Variants in SACS observed in about 807,000 individuals in gnomAD.
The protein encoded by SACS is sacsin molecular chaperone, also known as sacsin.
Under a neutral mutation model 348.0 loss-of-function variants are expected in SACS, and 197 were observed. The observed-to-expected ratio is 0.57, with a 90% CI of 0.50 to 0.64. The LOEUF (loss-of-function observed/expected upper bound fraction) is 0.64, where lower values mean the gene tolerates loss of function less well. Ranked by LOEUF, SACS falls within the 30% of genes least tolerant of loss-of-function variation. SACS has a pLI of 0.00. For synonymous variants in SACS, 1,985 were observed against 1,910.6 expected (o/e 1.04, Z -1.02); for missense variants, 4,999 against 5,360.8 (o/e 0.93, Z 2.11).
In SACS at chr13:23,333,175, T is replaced by C; in HGVS notation, c.10701A>G (p.Glu3567=). The change falls in exon 10 of 10, where the codon GAA becomes GAG. Residue 3567 remains glutamate (E), a synonymous_variant. Transcript: ENST00000382292. ...CATGATTTTTGGGTTTTATAAGTTG[T>C]TCCAATTTCTTAAAGAAATCATTAG... ...FIPNDFFKKL[E]QLIKPKNHVT... is the part of the protein sequence containing the mutation. 2 of 1,605,450 alleles carry C rather than the reference T, an allele frequency of 1.2e-6. No homozygotes were observed. The highest frequency in any genetic ancestry group is 1.1e-5 in the South Asian group (1 of 88,948).
Position 23,332,311 on chromosome 13 carries a change from T to C in SACS, c.11565A>G (p.Glu3855=), listed in dbSNP as rs1422761558. The C allele has an allele frequency of 4.3e-6, 7 of 1,613,940 alleles. No individual in the cohort carries two copies. The East Asian group carries it at 1.3e-4, about 31-fold the overall frequency. ...AATTTTTAAATATGCGGCTCAACAC[T>C]TCAACATATTGCTTAGTTGAAATAA... ...EDIISTKQYV[E]VLSRIFKNSE... Residue 3855 remains glutamate (E), a synonymous_variant, in exon 10 of 10, where the codon GAA becomes GAG. Coordinates refer to ENST00000382292, the MANE Select transcript of SACS (RefSeq NM_014363.6).
intron 2 of SACS, among the ~76,000 whole-genome samples, chr13:23,375,859 T>A (rs1430905399): frequency 6.6e-6 from 1 of 151,396 alleles, no homozygotes; most frequent in Non-Finnish European, 1.5e-5. Flanking sequence ...AGAGGACAGG[T>A]GCGTTGTCCC....
chr13:23,346,574 G>A (rs1035107181), intron 9 of SACS, among the ~76,000 whole-genome samples: 1 of 152,158 alleles, frequency 6.6e-6, no homozygotes, highest in Non-Finnish European at 1.5e-5. Context: ...GAGACTAAAT[G>A]TTCTATGAAG....
intron 2 of SACS, among the ~76,000 whole-genome samples, chr13:23,405,028 T>C (rs766738359): frequency 4.6e-5 from 7 of 152,166 alleles, no homozygotes; most frequent in East Asian, 1.9e-4. Context: ...CAAGCTACCA[T>C]TGATTTTCTT....
At chr13:23,375,078 G>A (rs1435275440) in intron 3 of SACS, 41 bp downstream of exon 3, 3 of 1,435,018 alleles carry the variant, frequency 2.1e-6, no homozygotes, top group Non-Finnish European at 9.1e-7. Flanking sequence ...CCGTTCCTCC[G>A]CGTGGCGGAG....
In SACS at chr13:23,333,876, A is replaced by G. The variant is rs2137578816; in HGVS notation, c.10000T>C (p.Leu3334=). 6.2e-7 allele frequency: 1 copy of G among 1,613,876 alleles called. No individual in the cohort carries two copies. Among genetic ancestry groups the G allele is most frequent in the South Asian group, 1.1e-5 (1 of 91,076 alleles). ...CTGTCTTTGGAACAGATTTTGTTCA[A>G]AGCAAGCTGAATACAGCCAGCTTTC... is the stretch of plus-strand genomic sequence containing the variant. ...LMKAGCIQLA[L]NKICSKDSAF... is the part of the protein sequence containing the mutation. The change falls in exon 10 of 10, where the codon TTG becomes CTG. Residue 3334 remains leucine, a synonymous_variant. Transcript: ENST00000382292.
At position 23,340,860 on chromosome 13, in the gene SACS, G is replaced by A; in HGVS notation, c.3016C>T (p.His1006Tyr). The A allele has an allele frequency of 6.2e-7, 1 of 1,608,136 alleles. No individual in the cohort carries two copies. Among genetic ancestry groups the A allele is most frequent in the Non-Finnish European group, 8.5e-7 (1 of 1,175,752 alleles). ...AACATAAGCTGTGTTACCTCTTCATGTGAATAAAATGCATTTTCAATATCT... is the reference window on the plus strand; with the variant it reads ...AACATAAGCTGTGTTACCTCTTCATATGAATAAAATGCATTTTCAATATCT... ...LKDIENAFYS[H>Y]EEVTQLMLWV... Residue 1006 changes from histidine (H) to tyrosine (Y), a missense_variant, in exon 10 of 10, where the codon CAT becomes TAT. His to Tyr is a moderately conservative substitution (Grantham distance 83, BLOSUM62 2). This residue lies in a region of SACS where 3,156 missense variants were observed against 3,380.1 expected (regional missense o/e 0.93). Transcript: ENST00000382292.
At chr13:23,392,202 G>A (rs946060391) in intron 2 of SACS, among the ~76,000 whole-genome samples, 6 of 152,106 alleles carry the variant, frequency 3.9e-5, no homozygotes, top group Non-Finnish European at 7.4e-5. Context: ...GACTGTAACC[G>A]GGCCCTCTCT....
intron 2 of SACS, among the ~76,000 whole-genome samples, chr13:23,398,062 A>G (rs1872777812): frequency 6.6e-6 from 1 of 151,922 alleles, no homozygotes; most frequent in Admixed American, 6.6e-5. Context: ...GTGGTGATGC[A>G]TGCCTGTAAT....
At chr13:23,393,491 C>T (rs972126637) in intron 2 of SACS, among the ~76,000 whole-genome samples, 1 of 152,142 alleles carries the variant, frequency 6.6e-6, no homozygotes, top group Non-Finnish European at 1.5e-5. Context: ...CCCTCTACTG[C>T]CCACCTGCTC....
intron 1 of SACS, among the ~76,000 whole-genome samples, chr13:23,421,515 C>T (rs1408913794): frequency 6.6e-6 from 1 of 152,224 alleles, no homozygotes; most frequent in East Asian, 1.9e-4. Flanking sequence ...CTGTTGCCTA[C>T]ATAGTGTCTT....
rs756368876 is a variant in SACS, at chr13:23,368,539, G to T, written c.260-52C>A. The T allele has an allele frequency of 1.1e-5, 14 of 1,290,216 alleles. 1 individual carries two copies. The South Asian group carries it at 1.5e-4, about 14-fold the overall frequency. 79.9% of individuals were successfully genotyped at this position (1,290,216 alleles called of 1,614,324 possible). A position where few individuals can be genotyped will look rare whatever the true frequency, so the allele number is the denominator to read the frequency against. ...AGTTAGAAAAAAAATCCCATGAATT[G>T]TCACCAATGTGTGACTTGAATCTGA... On this transcript the variant is annotated intron_variant, in intron 4 of 9. Transcript: ENST00000382292.
chr13:23,379,434 A>G (rs1469827081), intron 2 of SACS, among the ~76,000 whole-genome samples: 1 of 151,922 alleles, frequency 6.6e-6, no homozygotes, highest in African/African-American at 2.4e-5. Flanking sequence ...CGCTCCCCTC[A>G]CTCTGGGCCT....
intron 2 of SACS, among the ~76,000 whole-genome samples, chr13:23,410,326 A>G (rs1873430273): frequency 6.6e-6 from 1 of 152,190 alleles, no homozygotes; most frequent in Non-Finnish European, 1.5e-5. Flanking sequence ...TTGTCCATTC[A>G]CACACTTAAA....
intron 1 of SACS, among the ~76,000 whole-genome samples, chr13:23,424,259 C>G (rs950009310): frequency 3.3e-5 from 5 of 152,210 alleles, no homozygotes; most frequent in Admixed American, 3.3e-4. Flanking sequence ...GGCATGGTGG[C>G]TCACGCCTAT....
chr13:23,398,703 G>GA (rs1872817303), intron 2 of SACS, among the ~76,000 whole-genome samples: 1 of 152,050 alleles, frequency 6.6e-6, no homozygotes, highest in South Asian at 2.1e-4. Context: ...CAACGGAAAG[G>GA]AATGTTTAGG....
In SACS at chr13:23,338,762, G is replaced by GGGT. The variant is rs1555252172; in HGVS notation, c.5111_5113dup (p.Asn1704_Pro1705insHis). 6.2e-7 allele frequency: 1 copy of GGGT among 1,610,780 alleles called. No homozygotes were observed. The highest frequency in any genetic ancestry group is 1.1e-5 in the South Asian group (1 of 90,286). On this transcript the variant is annotated inframe_insertion, in exon 10 of 10. Coordinates refer to ENST00000382292, the MANE Select transcript of SACS (RefSeq NM_014363.6). ...TATTACTGTATCTTGTGCTAAACTG[G>GGGT]GGTTGGTTTCCTCAATTTTCAAGTA...
rs758898846 is a variant in SACS at position 23,339,165 on chromosome 13, T to A, written c.4711A>T (p.Ile1571Phe). Residue 1571 changes from isoleucine to phenylalanine, a missense_variant, in exon 10 of 10, where the codon ATC becomes TTC. By Grantham distance (21) the Ile-to-Phe change is conservative. Transcript: ENST00000382292. ...NSVYHITDIPIIMSREFMIMF... is the reference protein window; with the variant it reads ...NSVYHITDIPFIMSREFMIMF... Reference sequence around the variant, plus strand: ...ATCATGAATTCCCGACTCATAATGATGGGAATGTCAGTGATATGGTACACA... The same window carrying A: ...ATCATGAATTCCCGACTCATAATGAAGGGAATGTCAGTGATATGGTACACA... The A allele has an allele frequency of 1.2e-6, 2 of 1,612,846 alleles. No homozygotes were observed. The highest frequency in any genetic ancestry group is 4.5e-5 in the East Asian group (2 of 44,848).
At chr13:23,425,111 TG>T (rs1874115591) in intron 1 of SACS, among the ~76,000 whole-genome samples, 1 of 151,770 alleles carries the variant, frequency 6.6e-6, no homozygotes, top group Non-Finnish European at 1.5e-5. Flanking sequence ...GGTGTCCACT[TG>T]GGGCCTGACG....
Sources: gnomAD v4.1 joint callset for allele counts (sites outside exome capture counted in the v4.1 genomes callset) on GRCh38, gnomAD v4.1.1 for gene constraint, gnomAD v4.1.1 regional missense constraint, MANE v1.5 for transcripts, NCBI Gene and HGNC (gene_info 2026-07-23, HGNC 2026-07-21) for gene names.